Variants in USH2A observed in about 807,000 individuals in gnomAD.
USH2A encodes usherin, also known as Usher syndrome 2A (autosomal recessive, mild).
USH2A carries 443 observed loss-of-function variants against 538.9 expected under a neutral mutation model. That is an observed-to-expected ratio of 0.82 (90% CI 0.76 to 0.89). The LOEUF (loss-of-function observed/expected upper bound fraction) is 0.89, where lower values mean the gene tolerates loss of function less well. USH2A is among the 40% of genes least tolerant of loss of function. USH2A has a pLI of 0.00. For synonymous variants in USH2A, 2,413 were observed against 2,273.5 expected (o/e 1.06, Z -1.75); for missense variants, 6,633 against 6,324.8 (o/e 1.05, Z -1.65).
intron 15 of USH2A, among the ~76,000 whole-genome samples, chr1:216,211,248 G>A (rs2035234813): frequency 6.6e-6 from 1 of 152,126 alleles, no homozygotes; most frequent in South Asian, 2.1e-4. Context: ...AGTCATAGGA[G>A]CCCCAATTTA....
chr1:215,930,155 C>T (rs1666328177), intron 38 of USH2A, among the ~76,000 whole-genome samples: 1 of 151,982 alleles, frequency 6.6e-6, no homozygotes, highest in Non-Finnish European at 1.5e-5. Flanking sequence ...GGATTAGGTT[C>T]ACAAACCAGG....
rs74633426 is a variant in USH2A, at chr1:215,923,063, A to G, written c.7300+11553T>C. 9.3e-3 allele frequency among the ~76,000 whole-genome samples: 1,413 copies of G among 152,182 alleles called. 21 individuals carry two copies. The highest frequency in any genetic ancestry group is 0.033 in the African/African-American group (1,356 of 41,524). On this transcript the variant is annotated intron_variant, in intron 38 of 71. Coordinates refer to ENST00000307340, the MANE Select transcript of USH2A (RefSeq NM_206933.4). Reference sequence around the variant, plus strand: ...GTTTCCTAATTTGAGAGCCCAAGCAAAAGCCAAACACATATGTTAAGTTTA... The same window carrying G: ...GTTTCCTAATTTGAGAGCCCAAGCAGAAGCCAAACACATATGTTAAGTTTA...
chr1:216,072,397 A>C (rs1331674903), intron 29 of USH2A: 2 of 197,504 alleles, frequency 1.0e-5, no homozygotes, highest in Non-Finnish European at 2.1e-5. Flanking sequence ...GAGTCATTCT[A>C]AGATTCTAAT....
rs139860451 is a variant in USH2A at position 216,002,039 on chromosome 1, G to T, written c.6326-1477C>A. ...CTTCAAGGACACTTTGAAGCTGATG[G>T]TGAAGCAGTGTGGCATTGCCAGGGA... On this transcript the variant is annotated intron_variant, in intron 32 of 71. Coordinates refer to ENST00000307340, the MANE Select transcript of USH2A (RefSeq NM_206933.4). 1.0e-3 allele frequency among the ~76,000 whole-genome samples: 157 copies of T among 152,252 alleles called. 1 individual carries two copies. The highest frequency in any genetic ancestry group is 3.6e-3 in the African/African-American group (150 of 41,548).
At chr1:216,405,162 ACATACTT>A (rs2039373437) in intron 3 of USH2A, among the ~76,000 whole-genome samples, 1 of 152,168 alleles carries the variant, frequency 6.6e-6, no homozygotes, top group Non-Finnish European at 1.5e-5. Flanking sequence ...GGCCTGAAAC[ACATACTT>A]AAATTTAACA....
At chr1:216,189,013 A>G (rs1421489185) in intron 20 of USH2A, among the ~76,000 whole-genome samples, 1 of 151,912 alleles carries the variant, frequency 6.6e-6, no homozygotes, top group Non-Finnish European at 1.5e-5. Flanking sequence ...CATTCAGTAA[A>G]CCTTTAATAA....
chr1:216,108,234 A>G (rs75767594), intron 21 of USH2A, among the ~76,000 whole-genome samples: 3,752 of 151,962 alleles, frequency 0.025, 170 homozygotes, highest in African/African-American at 0.084. Context: ...TAATACGTTC[A>G]CTGAATATAG....
chr1:216,176,599 C>T (rs775947307), intron 20 of USH2A, among the ~76,000 whole-genome samples: 3 of 152,118 alleles, frequency 2.0e-5, no homozygotes, highest in East Asian at 1.9e-4. Context: ...GGGGCTCACA[C>T]GTGGTGTTTA....
intron 42 of USH2A, 85 bp from the exon 43 acceptor site, chr1:215,877,965 C>T (rs1322032781): frequency 3.7e-5 from 58 of 1,563,212 alleles, no homozygotes; most frequent in Non-Finnish European, 2.7e-5. Flanking sequence ...GTGGCATGTG[C>T]GTGTGATATA....
intron 44 of USH2A, 105 bp from the exon 45 acceptor site, chr1:215,846,138 G>T: frequency 8.9e-7 from 1 of 1,118,642 alleles, no homozygotes; most frequent in Non-Finnish European, 1.3e-6. Flanking sequence ...GAAGTTTAGA[G>T]AGCCTTTGTT....
intron 21 of USH2A, among the ~76,000 whole-genome samples, chr1:216,101,757 G>C (rs1377588423): frequency 6.6e-6 from 1 of 152,160 alleles, no homozygotes; most frequent in Non-Finnish European, 1.5e-5. Flanking sequence ...TTGGTTTCTA[G>C]TGTTTAAACA....
rs1022613007 is a variant in USH2A, at chr1:215,801,462, T to A, written c.9740-2337A>T. 5.4e-5 allele frequency among the ~76,000 whole-genome samples: 8 copies of A among 148,564 alleles called. No homozygotes were observed. The South Asian group carries it at 6.3e-4, about 12-fold the overall frequency. ...ACAGTATCAAGATACAAAGTCAGCA[T>A]AGAAAAACTAGGTATGTTTCTATAC... On this transcript the variant is annotated intron_variant, in intron 49 of 71. Transcript: ENST00000307340.
chr1:216,106,386 G>A (rs959989408), intron 21 of USH2A, among the ~76,000 whole-genome samples: 3 of 149,998 alleles, frequency 2.0e-5, no homozygotes, highest in Non-Finnish European at 4.5e-5. Context: ...CCTATTCTTA[G>A]TTTGCTGAAA....
At chr1:215,798,013 C>T (rs1478803824) in intron 50 of USH2A, among the ~76,000 whole-genome samples, 2 of 151,968 alleles carry the variant, frequency 1.3e-5, no homozygotes, top group Admixed American at 1.3e-4. Context: ...TCAACATTAA[C>T]AGGAGTTTAG....
intron 38 of USH2A, among the ~76,000 whole-genome samples, chr1:215,903,555 G>A (rs1403685618): frequency 2.0e-5 from 3 of 152,068 alleles, no homozygotes; most frequent in Non-Finnish European, 4.4e-5. Context: ...GGAAGAGAGA[G>A]GTGAGCCAGT....
rs1308489934 is a variant in USH2A at position 215,623,691 on chromosome 1, G to A, written c.*2090C>T. 6.6e-6 allele frequency: 1 copy of A among 152,106 alleles called. No homozygotes were observed. Among genetic ancestry groups the A allele is most frequent in the East Asian group, 1.9e-4 (1 of 5,176 alleles). 9.4% of individuals were successfully genotyped at this position (152,106 alleles called of 1,614,324 possible). On this transcript the variant is annotated 3_prime_UTR_variant, in exon 72 of 72. Coordinates refer to ENST00000307340, the MANE Select transcript of USH2A (RefSeq NM_206933.4). The stretch of plus-strand genomic sequence containing the variant: ...AAATGATTCAGCTAACTGAGTTCAT[G>A]TCTAATTAGATGATTAAATGGATAA...
intron 61 of USH2A, among the ~76,000 whole-genome samples, chr1:215,693,112 ATG>A (rs1208145247): frequency 4.6e-3 from 209 of 45,584 alleles, no homozygotes; most frequent in Non-Finnish European, 7.2e-3. Flanking sequence ...GTGTGTGTGT[ATG>A]TGTATATATA....
chr1:215,949,799 T>TAAA (rs1666868099), intron 37 of USH2A, among the ~76,000 whole-genome samples: 2 of 152,086 alleles, frequency 1.3e-5, no homozygotes, highest in African/African-American at 2.4e-5. Flanking sequence ...TCAGATAAAA[T>TAAA]ATTTAAAATT....
chr1:215,996,560 G>GTTTTTTTTTTTT lies in USH2A; in HGVS notation c.6657+2315_6657+2326dup, dbSNP rs753233925. ...TTTGTTGAGAGTAGCAACATATTAT[G>GTTTTTTTTTTTT]TTTTTTTTTTTTTTTTTTTTTTTTT... is the stretch of plus-strand genomic sequence containing the variant. On this transcript the variant is annotated intron_variant, in intron 34 of 71. Transcript: ENST00000307340. 4.3e-4 allele frequency among the ~76,000 whole-genome samples: 22 copies of GTTTTTTTTTTTT among 51,718 alleles called. 7 individuals carry two copies. Among genetic ancestry groups the GTTTTTTTTTTTT allele is most frequent in the African/African-American group, 1.5e-3 (16 of 10,788 alleles). The allele number at this position is 51,718 out of a possible 152,430, so 33.9% of individuals were successfully genotyped here. A position where few individuals can be genotyped will look rare whatever the true frequency, so the allele number is the denominator to read the frequency against.
Sources: allele counts gnomAD v4.1 joint callset (sites outside exome capture counted in the v4.1 genomes callset), GRCh38; gene constraint gnomAD v4.1.1; transcripts MANE v1.5; gene names NCBI Gene and HGNC (gene_info 2026-07-23, HGNC 2026-07-21).